CDC14B: variants seen among roughly 807,000 people sequenced by gnomAD.
The protein encoded by CDC14B is dual specificity protein phosphatase CDC14B.
Under a neutral mutation model 64.2 loss-of-function variants are expected in CDC14B, and 22 were observed. The observed-to-expected ratio is 0.34, with a 90% CI of 0.24 to 0.49. The LOEUF is 0.49. Ranked by LOEUF, CDC14B falls within the 20% of genes least tolerant of loss-of-function variation. The pLI is 0.99. For missense variants in CDC14B, 498 were observed against 629.9 expected (o/e 0.79, Z 2.24); for synonymous variants, 191 against 215.8 (o/e 0.89, Z 1.01).
intron 12 of CDC14B, chr9:96,514,993 T>C (rs1564209453): frequency 2.2e-6 from 2 of 923,802 alleles, no homozygotes; most frequent in East Asian, 2.3e-4. Context: ...CATATGGAAA[T>C]GCACCAATTT....
chr9:96,541,776 G>A lies in CDC14B; in HGVS notation c.564+50C>T, dbSNP rs112505403. Reference sequence around the variant, plus strand: ...GAAGAAGGCCTAGTTTTCTTGGACCGCATGTTAGTTCCTCAACACAACACT... The same window carrying A: ...GAAGAAGGCCTAGTTTTCTTGGACCACATGTTAGTTCCTCAACACAACACT... On this transcript the variant is annotated intron_variant, in intron 6 of 13. Coordinates refer to ENST00000375241, the MANE Select transcript of CDC14B (RefSeq NM_033331.4). 6.0e-5 allele frequency: 78 copies of A among 1,296,610 alleles called. 1 individual carries two copies. The highest frequency in any genetic ancestry group is 3.3e-4 in the South Asian group (21 of 63,622). 80.3% of individuals were successfully genotyped at this position (1,296,610 alleles called of 1,614,324 possible).
At chr9:96,591,680 C>T (rs1845801604) in intron 1 of CDC14B, among the ~76,000 whole-genome samples, 1 of 152,114 alleles carries the variant, frequency 6.6e-6, no homozygotes, top group African/African-American at 2.4e-5. Flanking sequence ...TAGTTATTAA[C>T]ATTTTAACAA....
At chr9:96,506,348 A>G (rs898687465) in intron 13 of CDC14B, among the ~76,000 whole-genome samples, 2 of 152,236 alleles carry the variant, frequency 1.3e-5, no homozygotes, top group Admixed American at 6.5e-5. Flanking sequence ...TGATATTATG[A>G]ATAATATTCA....
At chr9:96,601,098 G>A (rs905652217) in intron 1 of CDC14B, among the ~76,000 whole-genome samples, 1 of 151,994 alleles carries the variant, frequency 6.6e-6, no homozygotes, top group African/African-American at 2.4e-5. Flanking sequence ...TATTTATCTT[G>A]TTGATGTGAA....
chr9:96,581,091 A>G (rs13283895), intron 1 of CDC14B, among the ~76,000 whole-genome samples: 2 of 151,980 alleles, frequency 1.3e-5, no homozygotes, highest in Admixed American at 6.6e-5. Flanking sequence ...TTAGCCAGGC[A>G]TGGTGGCGCG....
chr9:96,494,597 CA>C, intron 13 of CDC14B, among the ~76,000 whole-genome samples: 1 of 152,320 alleles, frequency 6.6e-6, no homozygotes, highest in African/African-American at 2.4e-5. Context: ...AGGAATTTCC[CA>C]AACCAGATTG....
In CDC14B at chr9:96,502,670, A is replaced by C. The variant is rs1218818738; in HGVS notation, c.*1083T>G. On this transcript the variant is annotated 3_prime_UTR_variant, in exon 14 of 14. Coordinates refer to ENST00000375241, the MANE Select transcript of CDC14B (RefSeq NM_033331.4). ...CATGGCACAGACTCTGCTGTGTTCC[A>C]GTAGGGCTGCGGGAGAAGGCACTCT... The C allele has an allele frequency of 2.6e-6, 1 of 383,372 alleles. No individual in the cohort carries two copies. The highest frequency in any genetic ancestry group is 4.5e-5 in the Admixed American group (1 of 22,014). 23.7% of individuals were successfully genotyped at this position (383,372 alleles called of 1,614,324 possible).
intron 12 of CDC14B, among the ~76,000 whole-genome samples, chr9:96,510,337 AAT>A (rs1315341202): frequency 6.6e-6 from 1 of 152,208 alleles, no homozygotes; most frequent in Non-Finnish European, 1.5e-5. Context: ...ACACTTACTA[AAT>A]CTCCAAGTGC....
intron 1 of CDC14B, among the ~76,000 whole-genome samples, chr9:96,617,483 G>A (rs1321802418): frequency 1.3e-5 from 2 of 151,994 alleles, no homozygotes; most frequent in Non-Finnish European, 2.9e-5. Flanking sequence ...TCATAAAACC[G>A]TATGTACATT....
intron 6 of CDC14B, among the ~76,000 whole-genome samples, chr9:96,540,359 G>A (rs997714211): frequency 5.8e-4 from 89 of 152,206 alleles, no homozygotes; most frequent in African/African-American, 1.9e-3. Context: ...GTGGCTGGGT[G>A]CGGTGGTGCA....
At chr9:96,614,322 GCCTTGAACTC>G (rs1466390995) in intron 1 of CDC14B, among the ~76,000 whole-genome samples, 1 of 151,436 alleles carries the variant, frequency 6.6e-6, no homozygotes, top group East Asian at 1.9e-4. Flanking sequence ...GCTCATTGCA[GCCTTGAACTC>G]CCAGGCTCAA....
At chr9:96,575,381 T>C (rs1469206646) in intron 1 of CDC14B, among the ~76,000 whole-genome samples, 1 of 152,232 alleles carries the variant, frequency 6.6e-6, no homozygotes, top group Non-Finnish European at 1.5e-5. Context: ...TAGAAAAAAG[T>C]AATCTTATCT....
intron 4 of CDC14B, among the ~76,000 whole-genome samples, chr9:96,555,663 G>A (rs1023293537): frequency 6.6e-6 from 1 of 152,220 alleles, no homozygotes; most frequent in Non-Finnish European, 1.5e-5. Flanking sequence ...ATGCAGCTTA[G>A]GAGGCATCAG....
chr9:96,583,642 C>A (rs1006894099), intron 1 of CDC14B, among the ~76,000 whole-genome samples: 1 of 151,894 alleles, frequency 6.6e-6, no homozygotes, highest in African/African-American at 2.4e-5. Flanking sequence ...GTGATCTGCC[C>A]GCCTCAGCCT....
intron 1 of CDC14B, among the ~76,000 whole-genome samples, chr9:96,568,474 T>C (rs1432446587): frequency 6.6e-6 from 1 of 152,216 alleles, no homozygotes; most frequent in African/African-American, 2.4e-5. Flanking sequence ...TTCCTCAGAC[T>C]GGCAAAACTC....
chr9:96,592,566 G>C (rs1845850162), intron 1 of CDC14B, among the ~76,000 whole-genome samples: 1 of 152,090 alleles, frequency 6.6e-6, no homozygotes, highest in South Asian at 2.1e-4. Flanking sequence ...ACAAGGTCAG[G>C]AGTTCAAGAC....
chr9:96,616,522 G>A (rs2119090722), intron 1 of CDC14B, among the ~76,000 whole-genome samples: 1 of 151,820 alleles, frequency 6.6e-6, no homozygotes, highest in East Asian at 1.9e-4. Context: ...TCAGGAGTTT[G>A]AGACTAGCCT....
At chr9:96,495,647 G>T (rs1288205754), downstream of CDC14B, among the ~76,000 whole-genome samples, 1 of 152,200 alleles carries the variant, frequency 6.6e-6, no homozygotes, top group Non-Finnish European at 1.5e-5. Flanking sequence ...GTGATGCTGG[G>T]GAAGTTTTCA....
At chr9:96,578,909 C>G (rs753428780) in intron 1 of CDC14B, among the ~76,000 whole-genome samples, 5 of 152,196 alleles carry the variant, frequency 3.3e-5, no homozygotes, top group Admixed American at 6.5e-5. Flanking sequence ...ACCTCTGCCT[C>G]CTGGTTCCAG....
Sources: gnomAD v4.1 joint callset for allele counts (sites outside exome capture counted in the v4.1 genomes callset) on GRCh38, gnomAD v4.1.1 for gene constraint, MANE v1.5 for transcripts, NCBI Gene and HGNC (gene_info 2026-07-23, HGNC 2026-07-21) for gene names.